SLC25A21: variants seen among roughly 807,000 people sequenced by gnomAD.
The protein encoded by SLC25A21 is mitochondrial 2-oxodicarboxylate carrier.
A neutral mutation model predicts 43.8 loss-of-function variants in SLC25A21; 47 were observed. That is an observed-to-expected ratio of 1.07 (90% confidence interval 0.85 to 1.37). SLC25A21 has a LOEUF of 1.37. Among genes scored for constraint, SLC25A21 ranks in the 40% most tolerant of loss-of-function variants. The pLI is 0.00. For missense variants in SLC25A21, 352 were observed against 350.2 expected (o/e 1.00, Z -0.04); for synonymous variants, 131 against 121.3 (o/e 1.08, Z -0.52).
chr14:37,129,403 GT>G (rs1963354772), intron 1 of SLC25A21, among the ~76,000 whole-genome samples: 1 of 152,154 alleles, frequency 6.6e-6, no homozygotes, highest in South Asian at 2.1e-4. Flanking sequence ...TTAGAACACA[GT>G]TGTGGTGAGA....
At chr14:36,769,479 A>C (rs915660038) in intron 3 of SLC25A21, among the ~76,000 whole-genome samples, 7 of 152,194 alleles carry the variant, frequency 4.6e-5, no homozygotes, top group Admixed American at 4.6e-4. Context: ...AAATGATTTA[A>C]ATTAAAAATA....
chr14:36,682,713 C>G (rs937637715), intron 9 of SLC25A21, among the ~76,000 whole-genome samples: 1 of 148,672 alleles, frequency 6.7e-6, no homozygotes, highest in Non-Finnish European at 1.5e-5. Context: ...TCTATTACTG[C>G]GTTAGCTTTT....
intron 1 of SLC25A21, among the ~76,000 whole-genome samples, chr14:36,942,509 T>C (rs935814555): frequency 2.6e-5 from 4 of 152,102 alleles, no homozygotes; most frequent in Non-Finnish European, 5.9e-5. Context: ...ATCACACATA[T>C]TTGAAAGGAA....
intron 1 of SLC25A21, among the ~76,000 whole-genome samples, chr14:37,050,789 T>C (rs996244555): frequency 6.6e-6 from 1 of 152,198 alleles, no homozygotes; most frequent in African/African-American, 2.4e-5. Context: ...AATTATTAAC[T>C]TGAAGCCTCT....
intron 7 of SLC25A21, among the ~76,000 whole-genome samples, chr14:36,703,028 G>C (rs1277043859): frequency 6.6e-6 from 1 of 152,122 alleles, no homozygotes; most frequent in African/African-American, 2.4e-5. Flanking sequence ...ATAGATAATA[G>C]GTACTTGTAG....
In SLC25A21 at chr14:36,693,159, T is replaced by C. The variant is rs78846764; in HGVS notation, c.604-8234A>G. Among the ~76,000 whole-genome samples, 942 of 152,318 alleles carry C rather than the reference T, an allele frequency of 6.2e-3. 14 individuals are homozygous for C. Among genetic ancestry groups the C allele is most frequent in the African/African-American group, 0.022 (912 of 41,568 alleles). On this transcript the variant is annotated intron_variant, in intron 7 of 9. Coordinates refer to ENST00000331299, the MANE Select transcript of SLC25A21 (RefSeq NM_030631.4). ...TAGTAATACATTTTTGAAAATTTCA[T>C]TTTTTTGAATCATTTTGCACATCTT... is the stretch of plus-strand genomic sequence containing the variant.
intron 1 of SLC25A21, among the ~76,000 whole-genome samples, chr14:36,978,819 G>A (rs139564519): frequency 3.9e-4 from 60 of 152,268 alleles, no homozygotes; most frequent in East Asian, 3.9e-4. Context: ...GCCATTCACC[G>A]ACTCTAAATC....
chr14:36,874,956 C>T lies in SLC25A21; in HGVS notation c.119G>A (p.Arg40Lys). 1.2e-6 allele frequency: 2 copies of T among 1,608,930 alleles called. No individual in the cohort carries two copies. Among genetic ancestry groups the T allele is most frequent in the East Asian group, 2.2e-5 (1 of 44,608 alleles). The stretch of plus-strand genomic sequence containing the variant: ...AAAACTTGTTCATGCAGAACCTTAC[C>T]TGGTTTTCACCACATCTAGGGGGTG... ...LMHPLDVVKTRFQIQRCATDP... is the reference protein window; with the variant it reads ...LMHPLDVVKTKFQIQRCATDP... The change falls in exon 2 of 10, where the codon AGG becomes AAG. Residue 40 changes from arginine (R) to lysine (K), a missense_variant and splice_region_variant. Transcript: ENST00000331299.
At chr14:36,994,091 T>G (rs1960321546) in intron 1 of SLC25A21, among the ~76,000 whole-genome samples, 1 of 152,164 alleles carries the variant, frequency 6.6e-6, no homozygotes, top group Non-Finnish European at 1.5e-5. Flanking sequence ...AACACTTCAC[T>G]TTCTAGTAAC....
chr14:36,827,060 G>C (rs951927974), intron 2 of SLC25A21, among the ~76,000 whole-genome samples: 2 of 152,152 alleles, frequency 1.3e-5, no homozygotes, highest in Non-Finnish European at 1.5e-5. Context: ...TCTTCCTTTT[G>C]TTCCCCTGTT....
At chr14:37,077,011 T>C (rs1282091485) in intron 1 of SLC25A21, among the ~76,000 whole-genome samples, 3 of 152,226 alleles carry the variant, frequency 2.0e-5, no homozygotes, top group Non-Finnish European at 4.4e-5. Flanking sequence ...TCCATGTTTA[T>C]TTTCTGATGG....
chr14:37,037,087 C>T (rs1243399200), intron 1 of SLC25A21, among the ~76,000 whole-genome samples: 1 of 152,174 alleles, frequency 6.6e-6, no homozygotes, highest in Non-Finnish European at 1.5e-5. Context: ...CAAAGACAAT[C>T]TCAAATAAAG....
rs149172139 is a variant in SLC25A21, at chr14:37,023,508, A to T, written c.71-148504T>A. ...GCTACTTCTGTTAGAAAGAGCATTA[A>T]CTTACCTTAGCAAAAGCAAAAAAAT... On this transcript the variant is annotated intron_variant, in intron 1 of 9. Coordinates refer to ENST00000331299, the MANE Select transcript of SLC25A21 (RefSeq NM_030631.4). Among the ~76,000 whole-genome samples the T allele has an allele frequency of 9.0e-3, 1,365 of 152,038 alleles. 20 individuals are homozygous for T. Among genetic ancestry groups the T allele is most frequent in the African/African-American group, 0.032 (1,307 of 41,478 alleles).
At chr14:36,923,005 C>T (rs974365486) in intron 1 of SLC25A21, among the ~76,000 whole-genome samples, 7 of 152,006 alleles carry the variant, frequency 4.6e-5, no homozygotes, top group African/African-American at 1.2e-4. Context: ...CCCACAAAAA[C>T]AGACCCAGAA....
At chr14:37,050,401 A>G (rs1594769841) in intron 1 of SLC25A21, among the ~76,000 whole-genome samples, 1 of 152,226 alleles carries the variant, frequency 6.6e-6, no homozygotes, top group African/African-American at 2.4e-5. Flanking sequence ...AACCTGATAA[A>G]TAACATAATT....
chr14:36,706,864 C>T (rs184366673), intron 7 of SLC25A21, among the ~76,000 whole-genome samples: 432 of 152,312 alleles, frequency 2.8e-3, no homozygotes, highest in African/African-American at 8.9e-3. Flanking sequence ...CTCTCCCTCC[C>T]ATCCCCACCC....
At chr14:36,708,694 G>C (rs1594510188) in intron 7 of SLC25A21, among the ~76,000 whole-genome samples, 1 of 150,824 alleles carries the variant, frequency 6.6e-6, no homozygotes, top group Non-Finnish European at 1.5e-5. Context: ...GCCTCAGCCT[G>C]CAGAGTAGTT....
chr14:37,034,383 CTCTG>C (rs1199457590), intron 1 of SLC25A21, among the ~76,000 whole-genome samples: 1 of 152,168 alleles, frequency 6.6e-6, no homozygotes, highest in Non-Finnish European at 1.5e-5. Flanking sequence ...GATGATCGTT[CTCTG>C]TCTGATCGTA....
intron 7 of SLC25A21, among the ~76,000 whole-genome samples, chr14:36,702,374 C>T (rs1393347620): frequency 6.7e-6 from 1 of 149,650 alleles, no homozygotes; most frequent in Non-Finnish European, 1.5e-5. Context: ...TTCGGTGGCT[C>T]ATCCCTGTAA....
Sources: gnomAD v4.1 joint callset for allele counts (sites outside exome capture counted in the v4.1 genomes callset) on GRCh38, gnomAD v4.1.1 for gene constraint, MANE v1.5 for transcripts, NCBI Gene and HGNC (gene_info 2026-07-23, HGNC 2026-07-21) for gene names.